GPX6: variants seen among roughly 807,000 people sequenced by gnomAD.
The protein encoded by GPX6 is glutathione peroxidase 6, also known as glutathione peroxidase 6 (olfactory).
In GPX6, 21 loss-of-function variants were observed where a neutral mutation model predicts 20.0. The ratio of observed to expected loss-of-function variants is 1.05; its 90% CI spans 0.74 to 1.51. GPX6 has a LOEUF of 1.51. Ranked by LOEUF, GPX6 falls within the 40% of genes most tolerant of loss-of-function variation. GPX6 has a pLI of 0.00. For synonymous variants in GPX6, 75 were observed against 98.0 expected (o/e 0.77, Z 1.38); for missense variants, 233 against 254.7 (o/e 0.91, Z 0.58).
chr6:28,513,112 C>T (rs557860177), intron 1 of GPX6, among the ~76,000 whole-genome samples: 5 of 152,180 alleles, frequency 3.3e-5, no homozygotes, highest in African/African-American at 9.7e-5. Context: ...AGGGAAAAAC[C>T]ATCTCTCTTT....
chr6:28,511,780 C>A (rs571070232), intron 1 of GPX6, among the ~76,000 whole-genome samples: 1 of 152,274 alleles, frequency 6.6e-6, no homozygotes, highest in Non-Finnish European at 1.5e-5. Context: ...ACTGTGGGAG[C>A]CCCCTTCTGG....
Position 28,504,852 on chromosome 6 carries a change from A to G in GPX6, c.460-354T>C, listed in dbSNP as rs2113596917. Among the ~76,000 whole-genome samples, 2 of 152,314 alleles carry G rather than the reference A, an allele frequency of 1.3e-5. 1 individual carries two copies. Among genetic ancestry groups the G allele is most frequent in the Middle Eastern group, 6.8e-3 (2 of 292 alleles). On this transcript the variant is annotated intron_variant, in intron 4 of 4. Coordinates refer to ENST00000361902, the MANE Select transcript of GPX6 (RefSeq NM_182701.1). ...ACAGTTCGTTTCCTTAGCAGAAAAA[A>G]AAAGAGATTGATTTAGAGTAGTGGC...
rs1165986491 is a variant in GPX6, at chr6:28,506,321, A to C, written c.350T>G (p.Leu117Arg). 1 of 1,604,702 alleles carries C rather than the reference A, an allele frequency of 6.2e-7. No homozygotes were observed. Among genetic ancestry groups the C allele is most frequent in the African/African-American group, 1.3e-5 (1 of 74,706 alleles). ...CCATGCAAGCACTCACTTGAGACCA[A>C]GAAGTATTTCTGAGTTTGTTCCTGG... ...QEPGTNSEIL[L>R]GLKYVCPGSG... The change falls in exon 3 of 5, where the codon CTT becomes CGT. Residue 117 changes from leucine (L) to arginine (R), a missense_variant. Transcript: ENST00000361902.
At chr6:28,512,905 A>C (rs1392013726) in intron 1 of GPX6, among the ~76,000 whole-genome samples, 1 of 152,188 alleles carries the variant, frequency 6.6e-6, no homozygotes, top group Non-Finnish European at 1.5e-5. Context: ...TGAGCCAGCA[A>C]GACCACAAAC....
At chr6:28,512,534 A>T (rs1317723687) in intron 1 of GPX6, among the ~76,000 whole-genome samples, 1 of 152,202 alleles carries the variant, frequency 6.6e-6, no homozygotes, top group Non-Finnish European at 1.5e-5. Flanking sequence ...GCACCCTGTC[A>T]AAACAGACCA....
chr6:28,513,115 C>G (rs764963420), intron 1 of GPX6, among the ~76,000 whole-genome samples: 2 of 152,182 alleles, frequency 1.3e-5, no homozygotes, highest in Admixed American at 6.5e-5. Context: ...GAAAAACCAT[C>G]TCTCTTTTGG....
chr6:28,510,305 TAA>T (rs1205613826), intron 2 of GPX6, among the ~76,000 whole-genome samples: 1 of 152,224 alleles, frequency 6.6e-6, no homozygotes, highest in African/African-American at 2.4e-5. Context: ...TATGATTGAT[TAA>T]GACACCAAAT....
chr6:28,515,018 A>T (rs1261525946), intron 1 of GPX6, among the ~76,000 whole-genome samples: 2 of 152,214 alleles, frequency 1.3e-5, no homozygotes, highest in Non-Finnish European at 2.9e-5. Context: ...AGCAACACCA[A>T]GATCTGAGAA....
chr6:28,504,564 T>C (rs1762789933), intron 4 of GPX6, 66 bp from the exon 5 acceptor site: 3 of 1,402,634 alleles, frequency 2.1e-6, no homozygotes, highest in South Asian at 2.5e-5. Context: ...TTCTGTGTGG[T>C]ACAGTTTTAT....
chr6:28,505,717 A>G lies in GPX6; in HGVS notation c.445T>C (p.Phe149Leu). 6.2e-7 allele frequency: 1 copy of G among 1,613,720 alleles called. No homozygotes were observed. The change falls in exon 4 of 5, where the codon TTT (phenylalanine) becomes CTT (leucine). Residue 149 changes from phenylalanine to leucine, a missense_variant. Transcript: ENST00000361902. ...TACTCATGCACCTTCAGGAAAGTAA[A>G]GACCTTCTGTTCTTTTTCTCCATTC... ...DVNGEKEQKV[F>L]TFLKNSCPPT...
intron 2 of GPX6, 124 bp downstream of exon 2, chr6:28,510,627 G>T: frequency 1.2e-6 from 1 of 861,336 alleles, no homozygotes; most frequent in Non-Finnish European, 1.8e-6. Context: ...CATTTAGGGA[G>T]GTAGAGTCAC....
chr6:28,513,334 A>C (rs956056654), intron 1 of GPX6, among the ~76,000 whole-genome samples: 1 of 152,150 alleles, frequency 6.6e-6, no homozygotes, highest in Non-Finnish European at 1.5e-5. Flanking sequence ...ACACACGCCC[A>C]CTGGGGCTTC....
chr6:28,510,712 C>T (rs201711131), intron 2 of GPX6, 39 bp downstream of exon 2: 64 of 1,594,096 alleles, frequency 4.0e-5, no homozygotes, highest in African/African-American at 1.3e-5. Flanking sequence ...GGCTATCTGG[C>T]AATGCTGCTT....
chr6:28,512,183 C>T (rs1046285514), intron 1 of GPX6, among the ~76,000 whole-genome samples: 6 of 152,252 alleles, frequency 3.9e-5, no homozygotes, highest in Non-Finnish European at 5.9e-5. Flanking sequence ...GCGCAGGGCG[C>T]GGGACTGGCA....
At chr6:28,513,128 C>G (rs73740965) in intron 1 of GPX6, among the ~76,000 whole-genome samples, 2,710 of 152,252 alleles carry the variant, frequency 0.018, 73 homozygotes, top group African/African-American at 0.055. Context: ...TCTTTTGGCT[C>G]CCCCATCTGA....
intron 1 of GPX6, among the ~76,000 whole-genome samples, chr6:28,513,431 AG>A (rs1762952280): frequency 6.6e-6 from 1 of 152,242 alleles, no homozygotes; most frequent in Middle Eastern, 3.4e-3. Context: ...GCTCCCGTAC[AG>A]GTTTGAGCGG....
intron 1 of GPX6, among the ~76,000 whole-genome samples, chr6:28,513,176 T>A (rs780997386): frequency 2.0e-5 from 3 of 152,094 alleles, no homozygotes; most frequent in Non-Finnish European, 4.4e-5. Flanking sequence ...TTGCACTTAT[T>A]CTCCATGCCC....
intron 1 of GPX6, among the ~76,000 whole-genome samples, chr6:28,513,112 C>G (rs557860177): frequency 3.9e-5 from 6 of 152,180 alleles, no homozygotes; most frequent in Non-Finnish European, 8.8e-5. Flanking sequence ...AGGGAAAAAC[C>G]ATCTCTCTTT....
At chr6:28,512,393 T>TG (rs1222090491) in intron 1 of GPX6, among the ~76,000 whole-genome samples, 1 of 152,240 alleles carries the variant, frequency 6.6e-6, no homozygotes, top group Non-Finnish European at 1.5e-5. Flanking sequence ...AATGCACCAG[T>TG]TGACACTCTG....
Sources: gnomAD v4.1 joint callset for allele counts (sites outside exome capture counted in the v4.1 genomes callset) on GRCh38, gnomAD v4.1.1 for gene constraint, MANE v1.5 for transcripts, NCBI Gene and HGNC (gene_info 2026-07-23, HGNC 2026-07-21) for gene names.